The following SMCO2 variants were observed in gnomAD, a reference collection of about 807,000 sequenced individuals.
The protein encoded by SMCO2 is single-pass membrane and coiled-coil domain-containing protein 2.
Under a neutral mutation model 29.5 loss-of-function variants are expected in SMCO2, and 25 were observed. The observed-to-expected ratio is 0.85, with a 90% CI of 0.62 to 1.18. The LOEUF is 1.18. SMCO2 is among the 50% of genes most tolerant of loss of function. The probability of loss-of-function intolerance (pLI) is 0.00; values close to 1 mark genes in which losing one functional copy is unlikely to be tolerated. For synonymous variants in SMCO2, 117 were observed against 123.3 expected, an observed-to-expected ratio of 0.95 and a Z score of 0.34; for missense variants, 348 against 344.5, an observed-to-expected ratio of 1.01 and a Z score of -0.08.
the SMCO2 span, among the ~76,000 whole-genome samples, chr12:27,453,526 G>T: frequency 3.3e-5 from 5 of 152,214 alleles, no homozygotes; most frequent in African/African-American, 1.2e-4. Context: ...TCCCCACGCT[G>T]CAGAATTTCA....
chr12:27,435,522 T>C, the SMCO2 span, among the ~76,000 whole-genome samples: 170 of 148,320 alleles, frequency 1.1e-3, 4 homozygotes, highest in East Asian at 0.027. Context: ...TTTGCTTTGT[T>C]ACCTCTCTCT....
chr12:27,485,671 TCCTGACCTCAGGCAATCGG>T (rs1949683663), intron 4 of SMCO2, among the ~76,000 whole-genome samples: 1 of 152,138 alleles, frequency 6.6e-6, no homozygotes, highest in Non-Finnish European at 1.5e-5. Context: ...GGTCTCGAAC[TCCTGACCTCAGGCAATCGG>T]CCCACCTCAG....
chr12:27,494,329 A>G, exon 6 of SMCO2: 1 of 1,525,344 alleles, frequency 6.6e-7, no homozygotes, highest in Non-Finnish European at 8.8e-7. Context: ...TTTATGAATT[A>G]AAGAAGAAAG....
At chr12:27,465,631 T>A (rs996189551), upstream of SMCO2, among the ~76,000 whole-genome samples, 1 of 152,232 alleles carries the variant, frequency 6.6e-6, no homozygotes, top group African/African-American at 2.4e-5. Context: ...TTCATTCCAT[T>A]CCTTTGACAA....
intron 4 of SMCO2, among the ~76,000 whole-genome samples, chr12:27,487,146 G>A (rs1282439035): frequency 6.6e-6 from 1 of 152,128 alleles, no homozygotes; most frequent in Non-Finnish European, 1.5e-5. Flanking sequence ...GAGATGTTTA[G>A]CCTTGCATGA....
At chr12:27,470,987 T>TA (rs987133506) in intron 2 of SMCO2, among the ~76,000 whole-genome samples, 19 of 152,074 alleles carry the variant, frequency 1.2e-4, no homozygotes, top group African/African-American at 4.6e-4. Context: ...AGATACCCAT[T>TA]AAAAAAAGTA....
chr12:27,492,480 T>C (rs1942930318), intron 5 of SMCO2, among the ~76,000 whole-genome samples: 1 of 152,142 alleles, frequency 6.6e-6, no homozygotes. Flanking sequence ...GGTTGATTGC[T>C]TGAGCCCAGG....
At chr12:27,457,983 T>C in the SMCO2 span, among the ~76,000 whole-genome samples, 11 of 152,354 alleles carry the variant, frequency 7.2e-5, no homozygotes, top group East Asian at 2.1e-3. Flanking sequence ...ATTCCTCACA[T>C]ATTTGCAGCT....
the SMCO2 span, among the ~76,000 whole-genome samples, chr12:27,432,508 C>A: frequency 5.9e-5 from 9 of 152,218 alleles, no homozygotes; most frequent in African/African-American, 1.9e-4. Context: ...ATTTATACAA[C>A]TATATAAGAA....
chr12:27,465,677 A>G (rs1383975304), upstream of SMCO2, among the ~76,000 whole-genome samples: 2 of 152,206 alleles, frequency 1.3e-5, no homozygotes, highest in Admixed American at 1.3e-4. Flanking sequence ...CAGCCACTCT[A>G]CCTGAAACTC....
chr12:27,482,475 A>T (rs896528118), intron 4 of SMCO2, among the ~76,000 whole-genome samples: 5 of 152,090 alleles, frequency 3.3e-5, no homozygotes, highest in African/African-American at 1.2e-4. Context: ...TAATTTTTAT[A>T]TTTTTGGTAG....
At chr12:27,501,434 A>AAAACAAAC (rs1232126417) in intron 7 of SMCO2, among the ~76,000 whole-genome samples, 29 of 133,264 alleles carry the variant, frequency 2.2e-4, no homozygotes, top group Middle Eastern at 3.8e-3. Flanking sequence ...AAAAAAAAAA[A>AAAACAAAC]AAACAAACAA....
At chr12:27,473,405 T>C (rs982699434) in intron 3 of SMCO2, among the ~76,000 whole-genome samples, 17 of 152,192 alleles carry the variant, frequency 1.1e-4, no homozygotes, top group Non-Finnish European at 1.5e-5. Context: ...CTCCTCTGTC[T>C]CTCATTAGGA....
chr12:27,433,653 T>C, the SMCO2 span, among the ~76,000 whole-genome samples: 9 of 152,338 alleles, frequency 5.9e-5, no homozygotes, highest in African/African-American at 1.9e-4. Flanking sequence ...TTATTAAAAA[T>C]ATTGAAAAAC....
At chr12:27,465,444 C>G (rs2076827457), upstream of SMCO2, among the ~76,000 whole-genome samples, 1 of 152,172 alleles carries the variant, frequency 6.6e-6, no homozygotes, top group South Asian at 2.1e-4. Flanking sequence ...TGGATACTAG[C>G]CCAGCAGGCA....
intron 7 of SMCO2, chr12:27,498,319 G>T: frequency 4.4e-6 from 1 of 229,218 alleles, no homozygotes; most frequent in African/African-American, 2.4e-5. Flanking sequence ...TGCACCATGA[G>T]AAAGAATGGA....
chr12:27,435,792 A>T, the SMCO2 span, among the ~76,000 whole-genome samples: 760 of 152,250 alleles, frequency 5.0e-3, 4 homozygotes, highest in African/African-American at 0.017. Context: ...GGAGAAAGTC[A>T]CAGTTCTGTA....
intron 4 of SMCO2, 106 bp downstream of exon 5, chr12:27,475,837 T>C (rs913871237): frequency 1.8e-6 from 2 of 1,098,424 alleles, no homozygotes; most frequent in South Asian, 5.2e-5. Flanking sequence ...AGGCCATAGG[T>C]ATACTTTCTT....
chr12:27,485,896 A>C (rs1377675045), intron 4 of SMCO2, among the ~76,000 whole-genome samples: 1 of 152,208 alleles, frequency 6.6e-6, no homozygotes, highest in Non-Finnish European at 1.5e-5. Flanking sequence ...TTTGTTCTGG[A>C]ACACAGTTAA....
Sources: gnomAD v4.1 joint callset for allele counts (sites outside exome capture counted in the v4.1 genomes callset) on GRCh38, gnomAD v4.1.1 for gene constraint, MANE v1.5 for transcripts, NCBI Gene and HGNC (gene_info 2026-07-23, HGNC 2026-07-21) for gene names.